CPNE4: variants seen among roughly 807,000 people sequenced by gnomAD.
CPNE4 encodes the protein copine 4.
Under a neutral mutation model 67.9 loss-of-function variants are expected in CPNE4, and 25 were observed. The observed-to-expected ratio is 0.37, with a 90% CI of 0.27 to 0.51. The LOEUF is 0.51. Ranked by LOEUF, CPNE4 falls within the 20% of genes least tolerant of loss-of-function variation. CPNE4 has a pLI of 0.93. For synonymous variants in CPNE4, 242 were observed against 244.9 expected (o/e 0.99, Z 0.11); for missense variants, 464 against 690.8 (o/e 0.67, Z 3.68).
chr3:131,813,408 G>T (rs885249), intron 2 of CPNE4, among the ~76,000 whole-genome samples: 2 of 149,020 alleles, frequency 1.3e-5, no homozygotes, highest in Admixed American at 1.3e-4. Context: ...ATATACAAAC[G>T]TATATATGTA....
intron 2 of CPNE4, among the ~76,000 whole-genome samples, chr3:131,799,317 A>G (rs2084007539): frequency 6.6e-6 from 1 of 152,102 alleles, no homozygotes; most frequent in African/African-American, 2.4e-5. Flanking sequence ...AAATATTACC[A>G]CTATTATAAT....
At chr3:131,730,905 G>A (rs1418307195) in intron 2 of CPNE4, among the ~76,000 whole-genome samples, 1 of 152,144 alleles carries the variant, frequency 6.6e-6, no homozygotes, top group East Asian at 1.9e-4. Flanking sequence ...AAGCCACCCA[G>A]TTTATGGTAC....
At chr3:131,872,001 G>A (rs2087229352) in intron 2 of CPNE4, among the ~76,000 whole-genome samples, 1 of 152,054 alleles carries the variant, frequency 6.6e-6, no homozygotes, top group South Asian at 2.1e-4. Flanking sequence ...CTTATACCAT[G>A]ACACTGACAC....
intron 15 of CPNE4, among the ~76,000 whole-genome samples, 171 bp from the exon 16 acceptor site, chr3:131,535,500 C>A (rs1935087944): frequency 6.6e-6 from 1 of 152,180 alleles, no homozygotes; most frequent in Non-Finnish European, 1.5e-5. Flanking sequence ...GAAAATGGAC[C>A]TTTAATTTCA....
intron 8 of CPNE4, among the ~76,000 whole-genome samples, chr3:131,585,214 T>C (rs1032742424): frequency 3.3e-5 from 5 of 152,222 alleles, no homozygotes; most frequent in African/African-American, 1.2e-4. Flanking sequence ...TCACAAATTG[T>C]AGTTGCATTT....
intron 7 of CPNE4, among the ~76,000 whole-genome samples, chr3:131,639,846 G>A (rs1379807839): frequency 6.6e-6 from 1 of 151,836 alleles, no homozygotes; most frequent in East Asian, 1.9e-4. Context: ...GATATGAGAT[G>A]GTTTAACATA....
chr3:131,736,374 C>A (rs1375607744), intron 2 of CPNE4, among the ~76,000 whole-genome samples: 2 of 151,988 alleles, frequency 1.3e-5, no homozygotes, highest in Non-Finnish European at 2.9e-5. Context: ...GTAATCCCAG[C>A]ACTTTGGGAG....
chr3:131,938,908 G>A (rs1042207753), intron 1 of CPNE4, among the ~76,000 whole-genome samples: 6 of 152,090 alleles, frequency 3.9e-5, no homozygotes, highest in Admixed American at 2.0e-4. Flanking sequence ...CAACTACTTT[G>A]TAGCATATTA....
At chr3:131,798,758 C>A (rs2083991053) in intron 2 of CPNE4, among the ~76,000 whole-genome samples, 1 of 152,080 alleles carries the variant, frequency 6.6e-6, no homozygotes, top group Admixed American at 6.6e-5. Context: ...TCAGCCTGAT[C>A]AAATAATCAG....
chr3:132,011,897 T>C (rs4854872), intron 1 of CPNE4, among the ~76,000 whole-genome samples: 127,503 of 152,148 alleles, frequency 0.84, 54,514 homozygotes, highest in Non-Finnish European at 0.93. Flanking sequence ...CTGAATTTCC[T>C]TTTCTGTAGA....
intron 1 of CPNE4, among the ~76,000 whole-genome samples, chr3:131,954,531 T>C (rs1042661189): frequency 6.6e-6 from 1 of 152,236 alleles, no homozygotes; most frequent in Admixed American, 6.5e-5. Flanking sequence ...AGTTCTAGGG[T>C]ACATGTGCAC....
At chr3:131,957,895 T>C (rs2072023358) in intron 1 of CPNE4, among the ~76,000 whole-genome samples, 1 of 152,238 alleles carries the variant, frequency 6.6e-6, no homozygotes, top group Non-Finnish European at 1.5e-5. Flanking sequence ...TTTTATTCTT[T>C]TCAAGCAGAT....
intron 1 of CPNE4, among the ~76,000 whole-genome samples, chr3:132,010,486 G>C (rs2107676529): frequency 6.6e-6 from 1 of 152,278 alleles, no homozygotes. Context: ...CTCCTGCAAT[G>C]TGAGCCTCAC....
At chr3:131,806,282 G>A (rs1426369039) in intron 2 of CPNE4, among the ~76,000 whole-genome samples, 5 of 152,176 alleles carry the variant, frequency 3.3e-5, no homozygotes, top group Non-Finnish European at 7.3e-5. Flanking sequence ...CAGGCGCGGT[G>A]GCTCATGCCT....
intron 7 of CPNE4, among the ~76,000 whole-genome samples, chr3:131,614,193 C>T (rs1343249345): frequency 6.6e-6 from 1 of 152,172 alleles, no homozygotes; most frequent in African/African-American, 2.4e-5. Flanking sequence ...CATGTCTATA[C>T]TATTGTTTTG....
rs1157603394 is a variant in CPNE4, at chr3:131,550,013, G to GCT, written c.1235_1236insAG (p.Asn412LysfsTer30). 1 of 1,613,318 alleles carries GCT rather than the reference G, an allele frequency of 6.2e-7. No individual in the cohort carries two copies. The highest frequency in any genetic ancestry group is 8.5e-7 in the Non-Finnish European group (1 of 1,179,484). On this transcript the variant is annotated frameshift_variant, in exon 14 of 16. Coordinates refer to ENST00000429747, the MANE Select transcript of CPNE4 (RefSeq NM_130808.3). LOFTEE classifies it high-confidence loss of function. ...CAACCTTCTGGATGATGGGGGCAAT[G>GCT]TTGGTGGGACCGTAGAGTTGGAGCT...
intron 7 of CPNE4, among the ~76,000 whole-genome samples, chr3:131,635,731 A>T (rs533773101): frequency 3.9e-5 from 6 of 152,334 alleles, no homozygotes; most frequent in African/African-American, 1.4e-4. Flanking sequence ...AGGGATGAAG[A>T]TGGCAGACAG....
At chr3:132,033,962 G>C (rs1324291332) in intron 1 of CPNE4, among the ~76,000 whole-genome samples, 3 of 152,146 alleles carry the variant, frequency 2.0e-5, no homozygotes, top group African/African-American at 7.2e-5. Context: ...TTATTCCATA[G>C]AGGAAGAAGC....
At position 131,903,599 on chromosome 3, in the gene CPNE4, T is replaced by C. The variant is rs997105221; in HGVS notation, c.180+1665A>G. 2.6e-5 allele frequency among the ~76,000 whole-genome samples: 4 copies of C among 152,078 alleles called. No individual in the cohort carries two copies. The South Asian group carries it at 8.3e-4, about 32-fold the overall frequency. On this transcript the variant is annotated intron_variant, in intron 2 of 15. Coordinates refer to ENST00000429747, the MANE Select transcript of CPNE4 (RefSeq NM_130808.3). ...TCTCAGTTTCTGGAGCTCCAATGTA[T>C]GGGTTTAAATATTAGCTTTTCCACT...
Sources: gnomAD v4.1 joint callset for allele counts (sites outside exome capture counted in the v4.1 genomes callset) on GRCh38, gnomAD v4.1.1 for gene constraint, MANE v1.5 for transcripts, NCBI Gene and HGNC (gene_info 2026-07-23, HGNC 2026-07-21) for gene names.